Variants in TSHZ3 observed in about 807,000 individuals in gnomAD.
TSHZ3 encodes teashirt zinc finger homeobox 3, also known as teashirt homolog 3.
TSHZ3 carries 10 observed loss-of-function variants against 64.5 expected under a neutral mutation model. The observed-to-expected ratio is 0.16, with a 90% confidence interval of 0.10 to 0.26. The LOEUF is 0.26. Among genes scored for constraint, TSHZ3 ranks in the 10% least tolerant of loss-of-function variants. The pLI is 1.00. For missense variants in TSHZ3, 1,242 were observed against 1,421.7 expected (o/e 0.87, Z 2.03); for synonymous variants, 608 against 593.1 (o/e 1.03, Z -0.36).
intron 1 of TSHZ3, among the ~76,000 whole-genome samples, chr19:31,290,130 C>T (rs1162442649): frequency 6.6e-6 from 1 of 152,254 alleles, no homozygotes; most frequent in African/African-American, 2.4e-5. Context: ...CTAGAGCTAT[C>T]CCCAGATGTC....
intron 1 of TSHZ3, among the ~76,000 whole-genome samples, chr19:31,344,610 C>T (rs4805681): frequency 0.35 from 53,227 of 152,050 alleles, 10,298 homozygotes; most frequent in East Asian, 0.64. Flanking sequence ...GCCTGCCTGC[C>T]GCAGCCCTGG....
chr19:31,245,539 G>T (rs1400549915), intron 1 of TSHZ3, among the ~76,000 whole-genome samples: 2 of 152,142 alleles, frequency 1.3e-5, no homozygotes, highest in East Asian at 1.9e-4. Context: ...AGGTTCTTCT[G>T]CCTGGTAACA....
intron 1 of TSHZ3, among the ~76,000 whole-genome samples, chr19:31,296,172 C>A (rs796159054): frequency 8.6e-5 from 13 of 151,514 alleles, no homozygotes; most frequent in African/African-American, 3.2e-4. Context: ...GTGAAATAAT[C>A]CTGGCCTGGA....
At chr19:31,343,997 AT>A (rs775136874) in intron 1 of TSHZ3, among the ~76,000 whole-genome samples, 3 of 152,234 alleles carry the variant, frequency 2.0e-5, no homozygotes, top group Non-Finnish European at 4.4e-5. Context: ...TTATATGACT[AT>A]TTTATGCATG....
intron 3 of TSHZ3, among the ~76,000 whole-genome samples, chr19:31,232,281 C>T (rs967315708): frequency 1.3e-5 from 2 of 151,872 alleles, no homozygotes; most frequent in Admixed American, 1.3e-4. Context: ...TAATTGCTGG[C>T]TGAAAAAAAA....
chr19:31,244,788 CACATG>C (rs1975739047), intron 1 of TSHZ3, among the ~76,000 whole-genome samples: 2 of 152,112 alleles, frequency 1.3e-5, no homozygotes, highest in Non-Finnish European at 2.9e-5. Context: ...GGACTACAGG[CACATG>C]CCACCACACT....
intron 1 of TSHZ3, among the ~76,000 whole-genome samples, chr19:31,302,262 C>T (rs1029483167): frequency 4.6e-5 from 7 of 152,128 alleles, no homozygotes; most frequent in Non-Finnish European, 8.8e-5. Context: ...GCTGACCCTC[C>T]GCCCTTGTGA....
chr19:31,321,341 C>G (rs1916764898), intron 1 of TSHZ3, among the ~76,000 whole-genome samples: 1 of 152,228 alleles, frequency 6.6e-6, no homozygotes, highest in African/African-American at 2.4e-5. Flanking sequence ...CCAATCGGAG[C>G]TCTACCTTCC....
At chr19:31,335,628 A>T (rs1356794967) in intron 1 of TSHZ3, among the ~76,000 whole-genome samples, 2 of 152,206 alleles carry the variant, frequency 1.3e-5, no homozygotes, top group Non-Finnish European at 2.9e-5. Flanking sequence ...ATTCCGGCTC[A>T]AGAACCCAAA....
chr19:31,180,930 G>C (rs1009671913), intron 5 of TSHZ3, among the ~76,000 whole-genome samples: 1 of 152,142 alleles, frequency 6.6e-6, no homozygotes, highest in Non-Finnish European at 1.5e-5. Context: ...CTTGAAAAAA[G>C]ATGAGCGATG....
chr19:31,323,899 C>G (rs969119758), intron 1 of TSHZ3, among the ~76,000 whole-genome samples: 3 of 150,054 alleles, frequency 2.0e-5, no homozygotes, highest in Non-Finnish European at 4.5e-5. Context: ...CACACACACA[C>G]ACACACACAC....
At chr19:31,173,930 C>T (rs892670691) in intron 5 of TSHZ3, among the ~76,000 whole-genome samples, 33 of 152,038 alleles carry the variant, frequency 2.2e-4, no homozygotes, top group East Asian at 5.8e-4. Flanking sequence ...ATGAGCTGGG[C>T]GTGGTGGTGT....
chr19:31,208,805 G>A (rs1173689770), intron 4 of TSHZ3, among the ~76,000 whole-genome samples: 1 of 152,160 alleles, frequency 6.6e-6, no homozygotes, highest in Non-Finnish European at 1.5e-5. Flanking sequence ...ACTCTTCCAT[G>A]TGCAGATCTT....
intron 4 of TSHZ3, among the ~76,000 whole-genome samples, chr19:31,206,775 C>T (rs1975184487): frequency 6.6e-6 from 1 of 152,138 alleles, no homozygotes; most frequent in Admixed American, 6.5e-5. Context: ...TTAACACAGA[C>T]AAAATGGCTA....
At chr19:31,227,036 T>C (rs997506832) in intron 4 of TSHZ3, among the ~76,000 whole-genome samples, 1 of 141,342 alleles carries the variant, frequency 7.1e-6, no homozygotes, top group South Asian at 2.4e-4. Flanking sequence ...TGGAGTGCAG[T>C]GGTGCCATCT....
chr19:31,205,706 CA>C (rs1975158192), intron 4 of TSHZ3, among the ~76,000 whole-genome samples: 1 of 152,230 alleles, frequency 6.6e-6, no homozygotes, highest in Admixed American at 6.5e-5. Flanking sequence ...GGGGCAGACT[CA>C]GCCCAAAACA....
chr19:31,184,320 G>A (rs915536486), intron 5 of TSHZ3, among the ~76,000 whole-genome samples: 3 of 152,164 alleles, frequency 2.0e-5, no homozygotes, highest in Admixed American at 2.0e-4. Context: ...CAAAAACTGC[G>A]AGATTAAATA....
At chr19:31,269,005 T>G (rs546149309) in intron 1 of TSHZ3, among the ~76,000 whole-genome samples, 1 of 152,126 alleles carries the variant, frequency 6.6e-6, no homozygotes, top group African/African-American at 2.4e-5. Flanking sequence ...CCCAGTAACC[T>G]CAGCTGCACG....
chr19:31,256,500 T>C (rs1975913067), intron 1 of TSHZ3, among the ~76,000 whole-genome samples: 1 of 152,216 alleles, frequency 6.6e-6, no homozygotes, highest in Non-Finnish European at 1.5e-5. Flanking sequence ...TGACTGTCTG[T>C]GCCTGGGGGT....
Sources: allele counts gnomAD v4.1 joint callset (sites outside exome capture counted in the v4.1 genomes callset), GRCh38; gene constraint gnomAD v4.1.1; transcripts MANE v1.5; gene names NCBI Gene and HGNC (gene_info 2026-07-23, HGNC 2026-07-21).